FYB1: variants seen among roughly 807,000 people sequenced by gnomAD.
FYB1 encodes FYN-binding protein 1.
Under a neutral mutation model 94.1 loss-of-function variants are expected in FYB1, and 41 were observed. The ratio of observed to expected loss-of-function variants is 0.44; its 90% CI spans 0.34 to 0.57. The LOEUF is 0.57. FYB1 is among the 20% of genes least tolerant of loss of function. The pLI, the probability that FYB1 is intolerant of heterozygous loss-of-function variation, is 0.02. For missense variants in FYB1, 1,050 were observed against 976.8 expected (o/e 1.07, Z -1.00); for synonymous variants, 367 against 353.2 (o/e 1.04, Z -0.44).
chr5:39,215,032 G>A (rs1268582791), intron 1 of FYB1, among the ~76,000 whole-genome samples: 2 of 152,152 alleles, frequency 1.3e-5, no homozygotes, highest in African/African-American at 4.8e-5. Context: ...GGAGGGAGGA[G>A]GGAACAGGCA....
chr5:39,121,892 T>G (rs926739961), intron 14 of FYB1, among the ~76,000 whole-genome samples: 2 of 151,988 alleles, frequency 1.3e-5, no homozygotes, highest in Admixed American at 6.6e-5. Flanking sequence ...GATGGGTGAG[T>G]GCTGAGATGT....
intron 11 of FYB1, among the ~76,000 whole-genome samples, chr5:39,127,059 CAA>C (rs200980181): frequency 5.2e-5 from 4 of 77,492 alleles, no homozygotes; most frequent in African/African-American, 1.4e-4. Context: ...ACTCAGGTCT[CAA>C]AAAAAAAAAA....
chr5:39,122,638 G>A (rs1202634232), intron 13 of FYB1, among the ~76,000 whole-genome samples: 3 of 151,960 alleles, frequency 2.0e-5, no homozygotes, highest in African/African-American at 4.8e-5. Context: ...GATAATCATC[G>A]TTATCTGGAA....
At chr5:39,195,116 A>G (rs1747716333) in intron 2 of FYB1, among the ~76,000 whole-genome samples, 1 of 152,180 alleles carries the variant, frequency 6.6e-6, no homozygotes, top group African/African-American at 2.4e-5. Context: ...GTAATAGTCC[A>G]GTCTGTGAGC....
chr5:39,186,971 A>G (rs945535565), intron 2 of FYB1, among the ~76,000 whole-genome samples: 5 of 152,152 alleles, frequency 3.3e-5, no homozygotes, highest in Middle Eastern at 3.2e-3. Context: ...TACAGCTGGT[A>G]CTGGAACCCA....
chr5:39,169,882 G>T, intron 2 of FYB1: 1 of 581,488 alleles, frequency 1.7e-6, no homozygotes, highest in Admixed American at 2.3e-5. Flanking sequence ...CTGAAAGACA[G>T]GTGTCTTTCC....
At chr5:39,143,932 GT>G (rs1247929018) in intron 3 of FYB1, among the ~76,000 whole-genome samples, 1 of 152,102 alleles carries the variant, frequency 6.6e-6, no homozygotes, top group African/African-American at 2.4e-5. Context: ...CATTAAATTT[GT>G]CATGACAAGA....
At chr5:39,124,028 C>T (rs145016626) in intron 13 of FYB1, among the ~76,000 whole-genome samples, 1 of 152,222 alleles carries the variant, frequency 6.6e-6, no homozygotes, top group East Asian at 1.9e-4. Context: ...AATAGTGGCT[C>T]TTGGAAGAAC....
chr5:39,232,978 G>T (rs959974241), intron 1 of FYB1, among the ~76,000 whole-genome samples: 1 of 151,980 alleles, frequency 6.6e-6, no homozygotes, highest in Non-Finnish European at 1.5e-5. Flanking sequence ...TGTTGGACAT[G>T]TGGGTTGGTT....
chr5:39,256,767 T>C (rs1751962563), intron 1 of FYB1, among the ~76,000 whole-genome samples: 1 of 152,198 alleles, frequency 6.6e-6, no homozygotes, highest in South Asian at 2.1e-4. Context: ...TGTTCTGCTA[T>C]TGAAAAAAGT....
intron 1 of FYB1, among the ~76,000 whole-genome samples, chr5:39,243,980 C>T (rs1751341428): frequency 6.6e-6 from 1 of 152,030 alleles, no homozygotes; most frequent in Non-Finnish European, 1.5e-5. Flanking sequence ...GTGATTTTTG[C>T]ACACTGATTT....
chr5:39,163,807 C>T (rs749084746), intron 2 of FYB1, among the ~76,000 whole-genome samples: 2 of 151,730 alleles, frequency 1.3e-5, no homozygotes, highest in Admixed American at 1.3e-4. Context: ...GGTGTCTCTT[C>T]CCTCCTCTAA....
At chr5:39,110,480 A>G in intron 16 of FYB1, 91 bp from the exon 17 acceptor site, 1 of 756,972 alleles carries the variant, frequency 1.3e-6, no homozygotes, top group South Asian at 1.9e-5. Context: ...CAAGAGAGTA[A>G]TCATAGTATA....
At chr5:39,264,684 T>C (rs953848672) in intron 1 of FYB1, among the ~76,000 whole-genome samples, 4 of 152,134 alleles carry the variant, frequency 2.6e-5, no homozygotes, top group African/African-American at 7.2e-5. Context: ...CACTTTTTGG[T>C]GTAGCAATGC....
intron 14 of FYB1, among the ~76,000 whole-genome samples, chr5:39,120,623 G>C (rs1277069524): frequency 6.6e-6 from 1 of 152,088 alleles, no homozygotes; most frequent in Non-Finnish European, 1.5e-5. Flanking sequence ...CCAAGGTTGA[G>C]AACCATTCAC....
chr5:39,114,806 G>A (rs1236239058), intron 16 of FYB1, among the ~76,000 whole-genome samples: 12 of 152,134 alleles, frequency 7.9e-5, no homozygotes, highest in Admixed American at 5.2e-4. Flanking sequence ...CAAGCCCCAC[G>A]CAAGGTGCAA....
At chr5:39,194,418 C>T (rs200918425) in intron 2 of FYB1, among the ~76,000 whole-genome samples, 7 of 152,028 alleles carry the variant, frequency 4.6e-5, no homozygotes, top group Admixed American at 1.3e-4. Context: ...CCCAGCTATT[C>T]GGGAGGCTGA....
At chr5:39,208,142 C>T (rs696744) in intron 1 of FYB1, among the ~76,000 whole-genome samples, 123,200 of 152,084 alleles carry the variant, frequency 0.81, 50,872 homozygotes, top group Non-Finnish European at 0.9. Flanking sequence ...ATCTTTAGAA[C>T]GTTCTTTAAA....
intron 1 of FYB1, among the ~76,000 whole-genome samples, chr5:39,245,930 A>G (rs1751458617): frequency 6.6e-6 from 1 of 152,194 alleles, no homozygotes; most frequent in South Asian, 2.1e-4. Context: ...CTTGGTGAGC[A>G]GTATTATTGT....
Sources: allele counts gnomAD v4.1 joint callset (sites outside exome capture counted in the v4.1 genomes callset), GRCh38; gene constraint gnomAD v4.1.1; transcripts MANE v1.5; gene names NCBI Gene and HGNC (gene_info 2026-07-23, HGNC 2026-07-21).